Variants in TYW1 observed in about 807,000 individuals in gnomAD.
TYW1 encodes the protein tRNA-yW synthesizing protein 1 homolog.
In TYW1, 46 loss-of-function variants were observed where a neutral mutation model predicts 96.2. The ratio of observed to expected loss-of-function variants is 0.48; its 90% confidence interval spans 0.38 to 0.61. The LOEUF (loss-of-function observed/expected upper bound fraction) is 0.61. TYW1 is among the 20% of genes least tolerant of loss of function. The pLI, the probability that TYW1 is intolerant of heterozygous loss-of-function variation, is 0.00. For synonymous variants in TYW1, 274 were observed against 323.0 expected (o/e 0.85, Z 1.63); for missense variants, 684 against 909.6 (o/e 0.75, Z 3.19).
chr7:67,155,615 C>T (rs184383076), intron 13 of TYW1, among the ~76,000 whole-genome samples: 2 of 151,774 alleles, frequency 1.3e-5, no homozygotes, highest in East Asian at 1.9e-4. Flanking sequence ...TGCAGTGGCG[C>T]GATCTCAATA....
intron 12 of TYW1, among the ~76,000 whole-genome samples, chr7:67,099,298 CT>C (rs1202499111): frequency 6.6e-6 from 1 of 152,178 alleles, no homozygotes; most frequent in African/African-American, 2.4e-5. Flanking sequence ...TCTGAAAGTG[CT>C]GGCATTACAG....
chr7:67,124,001 A>G (rs1759392020), intron 13 of TYW1, among the ~76,000 whole-genome samples: 1 of 152,180 alleles, frequency 6.6e-6, no homozygotes, highest in African/African-American at 2.4e-5. Context: ...TTTTGAACCA[A>G]GAGTACCAAT....
At chr7:67,138,673 C>T (rs985298488) in intron 13 of TYW1, among the ~76,000 whole-genome samples, 1 of 152,080 alleles carries the variant, frequency 6.6e-6, no homozygotes, top group African/African-American at 2.4e-5. Context: ...CTGTCTGTCT[C>T]CATGAGTTGA....
chr7:67,057,166 C>G (rs866839199), intron 9 of TYW1, among the ~76,000 whole-genome samples: 5 of 151,790 alleles, frequency 3.3e-5, no homozygotes, highest in Admixed American at 6.6e-5. Context: ...AGGCGCGCAC[C>G]ACCACGCCCA....
At chr7:67,215,689 AC>A (rs1229905181) in intron 15 of TYW1, among the ~76,000 whole-genome samples, 1 of 152,136 alleles carries the variant, frequency 6.6e-6, no homozygotes, top group East Asian at 1.9e-4. Flanking sequence ...GTACTAACTT[AC>A]ACGATCACAA....
chr7:67,148,061 A>G (rs758913490), intron 13 of TYW1, among the ~76,000 whole-genome samples: 1 of 151,960 alleles, frequency 6.6e-6, no homozygotes, highest in Non-Finnish European at 1.5e-5. Context: ...ATTTGGCAAG[A>G]AAGAGAACAG....
intron 3 of TYW1, among the ~76,000 whole-genome samples, chr7:67,006,787 A>T (rs186766063): frequency 6.6e-6 from 1 of 151,804 alleles, no homozygotes; most frequent in Non-Finnish European, 1.5e-5. Context: ...ACTGTAATTT[A>T]TAAAGAAAAG....
At chr7:67,092,219 G>C (rs1796743250) in intron 11 of TYW1, among the ~76,000 whole-genome samples, 1 of 151,972 alleles carries the variant, frequency 6.6e-6, no homozygotes, top group African/African-American at 2.4e-5. Flanking sequence ...AGAGCCAGCT[G>C]ATTGACTTTG....
chr7:67,166,383 A>G (rs1477244799), intron 13 of TYW1, among the ~76,000 whole-genome samples: 1 of 146,288 alleles, frequency 6.8e-6, no homozygotes, highest in Non-Finnish European at 1.5e-5. Context: ...GATTTTTAAT[A>G]AGTTTTTAAA....
At chr7:67,108,492 AGTGCAGTG>A (rs1353359715) in intron 12 of TYW1, among the ~76,000 whole-genome samples, 1 of 145,848 alleles carries the variant, frequency 6.9e-6, no homozygotes, top group Non-Finnish European at 1.5e-5. Context: ...CCCAGCCTGG[AGTGCAGTG>A]GTGCAATCTT....
At chr7:67,227,260 A>G (rs566027435) in intron 15 of TYW1, among the ~76,000 whole-genome samples, 28 of 138,170 alleles carry the variant, frequency 2.0e-4, no homozygotes, top group African/African-American at 7.7e-4. Context: ...TTCTATTATT[A>G]TTATTATTTT....
At chr7:67,025,822 A>C (rs1162001634) in intron 7 of TYW1, among the ~76,000 whole-genome samples, 1 of 152,174 alleles carries the variant, frequency 6.6e-6, no homozygotes, top group East Asian at 1.9e-4. Flanking sequence ...GTTTTGGAAA[A>C]TGAGAATCCC....
At chr7:67,102,254 A>C (rs1475906453) in intron 12 of TYW1, among the ~76,000 whole-genome samples, 1 of 152,192 alleles carries the variant, frequency 6.6e-6, no homozygotes, top group African/African-American at 2.4e-5. Context: ...ATAGAGTATG[A>C]TATAAGATAT....
chr7:67,070,182 A>G (rs13309773), intron 10 of TYW1, among the ~76,000 whole-genome samples: 1 of 152,086 alleles, frequency 6.6e-6, no homozygotes, highest in Non-Finnish European at 1.5e-5. Flanking sequence ...TATTCTTCCA[A>G]CAGTTTGATT....
intron 13 of TYW1, among the ~76,000 whole-genome samples, chr7:67,136,617 C>T (rs1420778854): frequency 1.7e-5 from 2 of 114,362 alleles, no homozygotes; most frequent in Non-Finnish European, 3.8e-5. Flanking sequence ...ATCCACATAC[C>T]ATATATTAGT....
intron 13 of TYW1, among the ~76,000 whole-genome samples, chr7:67,141,833 T>A (rs7797608): frequency 6.6e-6 from 1 of 151,882 alleles, no homozygotes; most frequent in Admixed American, 6.6e-5. Context: ...TTCAAGAGTT[T>A]GAGACCACCC....
intron 11 of TYW1, chr7:67,089,529 T>A: frequency 1.4e-6 from 1 of 719,832 alleles, no homozygotes; most frequent in Non-Finnish European, 2.4e-6. Context: ...CTAGGGTGAG[T>A]TCCCACCCCA....
chr7:67,220,458 C>G (rs752537709), intron 15 of TYW1, among the ~76,000 whole-genome samples: 1 of 152,144 alleles, frequency 6.6e-6, no homozygotes, highest in Non-Finnish European at 1.5e-5. Context: ...CTGCCTTGGC[C>G]TCCCAAAGTG....
intron 10 of TYW1, among the ~76,000 whole-genome samples, chr7:67,080,401 A>G (rs1030664557): frequency 1.0e-4 from 13 of 129,300 alleles, no homozygotes; most frequent in African/African-American, 3.9e-4. Flanking sequence ...ACTCTTGCTT[A>G]CTTTTTTTTT....
Sources: gnomAD v4.1 joint callset for allele counts (sites outside exome capture counted in the v4.1 genomes callset) on GRCh38, gnomAD v4.1.1 for gene constraint, MANE v1.5 for transcripts, NCBI Gene and HGNC (gene_info 2026-07-23, HGNC 2026-07-21) for gene names.